Variants in AQP2 observed in about 807,000 individuals in gnomAD.
AQP2 encodes the protein aquaporin 2, also known as aquaporin-2.
AQP2 carries 20 observed loss-of-function variants against 21.6 expected under a neutral mutation model. That is an observed-to-expected ratio of 0.92 (90% CI 0.65 to 1.34). AQP2 has a LOEUF of 1.34. AQP2 is among the 40% of genes most tolerant of loss of function. AQP2 has a pLI of 0.00. For synonymous variants in AQP2, 168 were observed against 166.9 expected (o/e 1.01, Z -0.05); for missense variants, 325 against 363.4 (o/e 0.89, Z 0.86).
rs1235452707 is a variant in AQP2, at chr12:49,957,723, G to C, written c.*2115G>C. 3 of 152,224 alleles carry C rather than the reference G, an allele frequency of 2.0e-5. No individual in the cohort carries two copies. The highest frequency in any genetic ancestry group is 4.4e-5 in the Non-Finnish European group (3 of 68,064). The allele number at this position is 152,224 out of a possible 1,614,324, so 9.4% of individuals were successfully genotyped here. ...TGGCCTCACTACCAGAAGAAGGGTG[G>C]AGTCAGAAACCAAAGTGACCTCCAG... On this transcript the variant is annotated 3_prime_UTR_variant, in exon 4 of 4. Coordinates refer to ENST00000199280, the MANE Select transcript of AQP2 (RefSeq NM_000486.6).
At chr12:49,955,376 C>T in intron 3 of AQP2, 23 bp from the exon 4 acceptor site, 10 of 1,607,956 alleles carry the variant, frequency 6.2e-6, no homozygotes, top group Non-Finnish European at 8.5e-6. Flanking sequence ...GGGTGCCAAG[C>T]CGCCCTCTCC....
At chr12:49,954,027 G>A in intron 1 of AQP2, 128 bp from the exon 2 acceptor site, 4 of 1,332,804 alleles carry the variant, frequency 3.0e-6, no homozygotes, top group Non-Finnish European at 4.2e-6. Context: ...AAGGCGTCTG[G>A]CAAGCCCAGG....
rs1165224227 is a variant in AQP2 at position 49,955,767 on chromosome 12, G to A, written c.*159G>A. The A allele has an allele frequency of 6.8e-6, 7 of 1,030,426 alleles. No homozygotes were observed. Among genetic ancestry groups the A allele is most frequent in the East Asian group, 5.2e-5 (2 of 38,596 alleles). 63.8% of individuals were successfully genotyped at this position (1,030,426 alleles called of 1,614,324 possible). On this transcript the variant is annotated 3_prime_UTR_variant, in exon 4 of 4. Transcript: ENST00000199280. ...GCCCAGGCCAGTGCTGTGAGCAGGC[G>A]GGGAGGAGGCTGCCGGAGGGAGCCC...
intron 3 of AQP2, 117 bp from the exon 4 acceptor site, chr12:49,955,282 T>G: frequency 9.5e-7 from 1 of 1,057,640 alleles, no homozygotes; most frequent in Non-Finnish European, 1.3e-6. Flanking sequence ...AATAAGCATT[T>G]TACTAGATTA....
chr12:49,956,104 G>A lies in AQP2; in HGVS notation c.*496G>A, dbSNP rs774889103. On this transcript the variant is annotated 3_prime_UTR_variant, in exon 4 of 4. Transcript: ENST00000199280. ...AACAGGTTTGCCTACGTTGGTGCAAGTGTGCATGGCTGGGGACTTCTCACT... is the reference window on the plus strand; with the variant it reads ...AACAGGTTTGCCTACGTTGGTGCAAATGTGCATGGCTGGGGACTTCTCACT... 9.8e-6 allele frequency: 2 copies of A among 204,936 alleles called. No homozygotes were observed. The highest frequency in any genetic ancestry group is 1.6e-4 in the South Asian group (2 of 12,450). 12.7% of individuals were successfully genotyped at this position (204,936 alleles called of 1,614,324 possible).
Position 49,950,998 on chromosome 12 carries a change from A to T in AQP2, c.168A>T (p.Val56=). 2.5e-6 allele frequency: 4 copies of T among 1,614,128 alleles called. No homozygotes were observed. Among genetic ancestry groups the T allele is most frequent in the Non-Finnish European group, 3.4e-6 (4 of 1,180,040 alleles). Residue 56 remains valine, a synonymous_variant, in exon 1 of 4, where the codon GTA becomes GTT. Transcript: ENST00000199280. ...TTGGCTTGGGTATTGGCACCCTGGT[A>T]CAGGCTCTGGGCCACATAAGCGGGG... ...MAFGLGIGTL[V]QALGHISGAH...
intron 1 of AQP2, among the ~76,000 whole-genome samples, chr12:49,953,629 T>C (rs1315879599): frequency 6.6e-6 from 1 of 151,880 alleles, no homozygotes; most frequent in Non-Finnish European, 1.5e-5. Context: ...TCCGGACTCA[T>C]AGCGGAAAGG....
chr12:49,951,537 C>A, intron 1 of AQP2: 3 of 315,610 alleles, frequency 9.5e-6, no homozygotes, highest in Admixed American at 4.4e-5. Context: ...GCTTTCCAAG[C>A]TGCGGGGAGC....
In AQP2 at chr12:49,955,505, AG is replaced by A; in HGVS notation, c.716del (p.Gly239AlafsTer96). 6.2e-7 allele frequency: 1 copy of A among 1,612,626 alleles called. No homozygotes were observed. The highest frequency in any genetic ancestry group is 8.5e-7 in the Non-Finnish European group (1 of 1,179,800). ...KSLSERLAVLKGLEPDTDWEE... is the reference protein window; with the variant it reads ...KSLSERLAVLXGLEPDTDWEE... ...CTGTCGGAGCGCCTGGCAGTGCTGA[AG>A]GGCCTGGAGCCGGACACCGATTGGG... is the stretch of plus-strand genomic sequence containing the variant. On this transcript the variant is annotated frameshift_variant, in exon 4 of 4. Transcript: ENST00000199280. LOFTEE classifies it high-confidence loss of function.
chr12:49,955,958 T>G lies in AQP2; in HGVS notation c.*350T>G. ...GCACCCAGGTACTGAGTGGGGAGTGTACAGACCCCTGCCTTGGGGGTTCCG... is the reference window on the plus strand; with the variant it reads ...GCACCCAGGTACTGAGTGGGGAGTGGACAGACCCCTGCCTTGGGGGTTCCG... On this transcript the variant is annotated 3_prime_UTR_variant, in exon 4 of 4. Coordinates refer to ENST00000199280, the MANE Select transcript of AQP2 (RefSeq NM_000486.6). 2.1e-6 allele frequency: 1 copy of G among 484,078 alleles called. No individual in the cohort carries two copies. The highest frequency in any genetic ancestry group is 3.8e-6 in the Non-Finnish European group (1 of 263,268). 30.0% of individuals were successfully genotyped at this position (484,078 alleles called of 1,614,324 possible). A position where few individuals can be genotyped will look rare whatever the true frequency, so the allele number is the denominator to read the frequency against.
chr12:49,951,447 G>T, intron 1 of AQP2: 1 of 553,340 alleles, frequency 1.8e-6, no homozygotes. Flanking sequence ...GCCTCATCCA[G>T]GTTTCTGTTG....
intron 2 of AQP2, 126 bp downstream of exon 2, chr12:49,954,445 G>T (rs1172284337): frequency 7.9e-7 from 1 of 1,260,042 alleles, no homozygotes; most frequent in Admixed American, 2.0e-5. Flanking sequence ...ACACCCCAGA[G>T]GTTTGACTCC....
In AQP2 at chr12:49,951,062, G is replaced by A. The variant is rs149823093; in HGVS notation, c.232G>A (p.Gly78Ser). 4.3e-6 allele frequency: 7 copies of A among 1,612,718 alleles called. No homozygotes were observed. The African/African-American group carries it at 9.3e-5, about 22-fold the overall frequency. ...TGCCGTGACTGTGGCCTGCCTGGTGGGCTGCCACGTCTCCGTTCTCCGAGC... is the reference window on the plus strand; with the variant it reads ...TGCCGTGACTGTGGCCTGCCTGGTGAGCTGCCACGTCTCCGTTCTCCGAGC... ...NPAVTVACLV[G>S]CHVSVLRAAF... is the part of the protein sequence containing the mutation. Residue 78 changes from glycine to serine, a missense_variant, in exon 1 of 4, where the codon GGC becomes AGC. By Grantham distance (56) the Gly-to-Ser change is moderately conservative (BLOSUM62 0). Coordinates refer to ENST00000199280, the MANE Select transcript of AQP2 (RefSeq NM_000486.6).
chr12:49,951,227 G>A (rs759425515), intron 1 of AQP2, 37 bp downstream of exon 1: 47 of 1,581,492 alleles, frequency 3.0e-5, no homozygotes, highest in Non-Finnish European at 3.8e-5. Flanking sequence ...CAAGGGGCAG[G>A]TCCTGGGGAA....
chr12:49,950,958 A>G lies in AQP2; in HGVS notation c.128A>G (p.Gln43Arg), dbSNP rs763727714. 2.5e-6 allele frequency: 4 copies of G among 1,614,202 alleles called. No homozygotes were observed. The highest frequency in any genetic ancestry group is 2.2e-5 in the East Asian group (1 of 44,878). Residue 43 changes from glutamine to arginine, a missense_variant, in exon 1 of 4, where the codon CAG (glutamine) becomes CGG (arginine). Transcript: ENST00000199280. ...CCACAGGCCCTGCCCTCTGTGCTAC[A>G]GATTGCCATGGCGTTTGGCTTGGGT... ...NWPQALPSVL[Q>R]IAMAFGLGIG... is the part of the protein sequence containing the mutation.
intron 3 of AQP2, 26 bp downstream of exon 3, chr12:49,954,736 C>T (rs1274461097): frequency 6.2e-7 from 1 of 1,608,008 alleles, no homozygotes; most frequent in Middle Eastern, 1.7e-4. Context: ...CCCTGCCCTC[C>T]CCTTCTCTAG....
At position 49,957,929 on chromosome 12, in the gene AQP2, A is replaced by C. The variant is rs1489156044; in HGVS notation, c.*2321A>C. On this transcript the variant is annotated 3_prime_UTR_variant, in exon 4 of 4. Coordinates refer to ENST00000199280, the MANE Select transcript of AQP2 (RefSeq NM_000486.6). ...ATGTCTGTTTCACTTTTTGGATTGC[A>C]TCTCCCCAAAAACTAAATGTGAAAT... 2 of 152,180 alleles carry C rather than the reference A, an allele frequency of 1.3e-5. No homozygotes were observed. Among genetic ancestry groups the C allele is most frequent in the Admixed American group, 1.3e-4 (2 of 15,278 alleles). 9.4% of individuals were successfully genotyped at this position (152,180 alleles called of 1,614,324 possible). A position where few individuals can be genotyped will look rare whatever the true frequency, so the allele number is the denominator to read the frequency against.
rs543420016 is a variant in AQP2, at chr12:49,951,081, T to G, written c.251T>G (p.Leu84Arg). 6.2e-7 allele frequency: 1 copy of G among 1,611,308 alleles called. No individual in the cohort carries two copies. Among genetic ancestry groups the G allele is most frequent in the South Asian group, 1.1e-5 (1 of 91,048 alleles). Reference sequence around the variant, plus strand: ...CTGGTGGGCTGCCACGTCTCCGTTCTCCGAGCCGCCTTCTACGTGGCTGCC... The same window carrying G: ...CTGGTGGGCTGCCACGTCTCCGTTCGCCGAGCCGCCTTCTACGTGGCTGCC... ...ACLVGCHVSV[L>R]RAAFYVAAQL... The change falls in exon 1 of 4, where the codon CTC (leucine) becomes CGC (arginine). Residue 84 changes from leucine to arginine, a missense_variant. By Grantham distance (102) the Leu-to-Arg change is moderately radical. Coordinates refer to ENST00000199280, the MANE Select transcript of AQP2 (RefSeq NM_000486.6).
Position 49,956,600 on chromosome 12 carries a change from C to T in AQP2, c.*992C>T, listed in dbSNP as rs1268310344. On this transcript the variant is annotated 3_prime_UTR_variant, in exon 4 of 4. Transcript: ENST00000199280. ...GAAAACAAAAGCCCTTTGTGGGACC[C>T]GGGCCTTTGTCTTGGGTGAGGGGAG... 2.6e-5 allele frequency: 4 copies of T among 152,132 alleles called. No individual in the cohort carries two copies. Among genetic ancestry groups the T allele is most frequent in the Non-Finnish European group, 4.4e-5 (3 of 68,026 alleles). The allele number at this position is 152,132 out of a possible 1,614,324, so 9.4% of individuals were successfully genotyped here. A position where few individuals can be genotyped will look rare whatever the true frequency, so the allele number is the denominator to read the frequency against.
Sources: allele counts gnomAD v4.1 joint callset (sites outside exome capture counted in the v4.1 genomes callset), GRCh38; gene constraint gnomAD v4.1.1; transcripts MANE v1.5; gene names NCBI Gene and HGNC (gene_info 2026-07-23, HGNC 2026-07-21).